The following ZNF804A variants were observed in gnomAD, a reference collection of about 807,000 sequenced individuals.
ZNF804A encodes the protein zinc finger protein 804A.
ZNF804A carries 2 observed loss-of-function variants against 16.5 expected under a neutral mutation model. That is an observed-to-expected ratio of 0.12 (90% CI 0.05 to 0.38). The LOEUF is 0.38. Among genes scored for constraint, ZNF804A ranks in the 10% least tolerant of loss-of-function variants. The probability of loss-of-function intolerance (pLI) is 0.99; values close to 1 mark genes in which losing one functional copy is unlikely to be tolerated. For missense variants in ZNF804A, 1,473 were observed against 1,390.7 expected, an observed-to-expected ratio of 1.06 and a Z score of -0.94; for synonymous variants, 534 against 489.6, an observed-to-expected ratio of 1.09 and a Z score of -1.20.
intron 1 of ZNF804A, among the ~76,000 whole-genome samples, chr2:184,706,891 T>C (rs1254396853): frequency 6.6e-6 from 1 of 152,226 alleles, no homozygotes; most frequent in African/African-American, 2.4e-5. Context: ...GAATTAAAAC[T>C]ACATGAATAT....
chr2:184,895,515 A>C (rs910104300), intron 2 of ZNF804A, among the ~76,000 whole-genome samples: 1 of 152,210 alleles, frequency 6.6e-6, no homozygotes, highest in Non-Finnish European at 1.5e-5. Context: ...TCATTAAAAC[A>C]GAAACAGAAA....
intron 1 of ZNF804A, among the ~76,000 whole-genome samples, chr2:184,671,501 G>T (rs2105712739): frequency 6.6e-6 from 1 of 152,212 alleles, no homozygotes; most frequent in African/African-American, 2.4e-5. Flanking sequence ...GTATTATATG[G>T]ACCTATCTTT....
At chr2:184,706,868 C>A (rs989853474) in intron 1 of ZNF804A, among the ~76,000 whole-genome samples, 3 of 152,128 alleles carry the variant, frequency 2.0e-5, no homozygotes, top group Non-Finnish European at 2.9e-5. Flanking sequence ...TTACTACTTT[C>A]TTCTACAAAA....
At chr2:184,653,848 T>G (rs1692030932) in intron 1 of ZNF804A, among the ~76,000 whole-genome samples, 1 of 152,224 alleles carries the variant, frequency 6.6e-6, no homozygotes, top group Non-Finnish European at 1.5e-5. Flanking sequence ...GAGATATTAT[T>G]GGAAGCTTCT....
chr2:184,892,220 A>T (rs553017376), intron 2 of ZNF804A, among the ~76,000 whole-genome samples: 1 of 152,264 alleles, frequency 6.6e-6, no homozygotes, highest in East Asian at 1.9e-4. Flanking sequence ...ATAGAAAGGA[A>T]TTTTCTCTCA....
At chr2:184,611,848 T>C (rs1691244411) in intron 1 of ZNF804A, among the ~76,000 whole-genome samples, 1 of 152,194 alleles carries the variant, frequency 6.6e-6, no homozygotes, top group South Asian at 2.1e-4. Flanking sequence ...GTACTTTATT[T>C]GCATACTTCA....
intron 1 of ZNF804A, among the ~76,000 whole-genome samples, chr2:184,668,379 A>G (rs1692283857): frequency 6.6e-6 from 1 of 151,930 alleles, no homozygotes; most frequent in Non-Finnish European, 1.5e-5. Context: ...CACATTTATA[A>G]TAAATTACAA....
chr2:184,936,412 GTGT>G lies in ZNF804A; in HGVS notation c.1021_1023del (p.Val341del), dbSNP rs767629351. ...TTAGCAGATCAAATACCACTAGAGAGTGTTGTTATTAATGAAGACATACCTGTT... is the reference window on the plus strand; with the variant it reads ...TTAGCAGATCAAATACCACTAGAGAGTGTTATTAATGAAGACATACCTGTT... On this transcript the variant is annotated inframe_deletion, in exon 4 of 4. Coordinates refer to ENST00000302277, the MANE Select transcript of ZNF804A (RefSeq NM_194250.2). 1.1e-5 allele frequency: 18 copies of G among 1,613,888 alleles called. No individual in the cohort carries two copies. In the African/African-American group the frequency reaches 2.4e-4, roughly 22 times the overall value.
intron 1 of ZNF804A, among the ~76,000 whole-genome samples, chr2:184,795,937 A>T (rs1694623745): frequency 6.6e-6 from 1 of 151,704 alleles, no homozygotes. Flanking sequence ...TTAAAAAATT[A>T]CCATGTCGAA....
At chr2:184,928,473 G>C (rs749721511) in intron 2 of ZNF804A, among the ~76,000 whole-genome samples, 6 of 152,094 alleles carry the variant, frequency 3.9e-5, no homozygotes, top group Non-Finnish European at 8.8e-5. Context: ...CTGGGGTTAG[G>C]GGAGGGGGAG....
intron 1 of ZNF804A, among the ~76,000 whole-genome samples, chr2:184,757,267 C>T (rs1262639904): frequency 6.6e-6 from 1 of 151,962 alleles, no homozygotes; most frequent in Non-Finnish European, 1.5e-5. Flanking sequence ...CAGGTTTGTT[C>T]CATGAATCAA....
Position 184,669,381 on chromosome 2 carries a change from T to C in ZNF804A, c.111+70311T>C, listed in dbSNP as rs191712766. ...TAGGTTCTGAAAGAACAGACACAGT[T>C]TCAAATCGTATCTTATAAGCCGTAG... is the stretch of plus-strand genomic sequence containing the variant. On this transcript the variant is annotated intron_variant, in intron 1 of 3. Transcript: ENST00000302277. 3.2e-3 allele frequency among the ~76,000 whole-genome samples: 487 copies of C among 152,192 alleles called. 5 individuals carry two copies. The highest frequency in any genetic ancestry group is 0.011 in the African/African-American group (465 of 41,550).
At chr2:184,744,276 GT>G (rs1277655267) in intron 1 of ZNF804A, among the ~76,000 whole-genome samples, 1 of 151,758 alleles carries the variant, frequency 6.6e-6, no homozygotes, top group Admixed American at 6.6e-5. Flanking sequence ...CAATTATTTT[GT>G]ATTATATACA....
intron 1 of ZNF804A, among the ~76,000 whole-genome samples, chr2:184,755,617 T>C (rs1020688603): frequency 6.6e-6 from 1 of 151,968 alleles, no homozygotes; most frequent in African/African-American, 2.4e-5. Flanking sequence ...AGATGCAGTG[T>C]TGAGGTATAT....
chr2:184,881,775 AC>A (rs1684813291), intron 2 of ZNF804A, among the ~76,000 whole-genome samples: 1 of 152,104 alleles, frequency 6.6e-6, no homozygotes, highest in Non-Finnish European at 1.5e-5. Flanking sequence ...GAACTGCCTT[AC>A]AGGAGGTCCT....
In ZNF804A at chr2:184,794,230, T is replaced by C. The variant is rs115618576; in HGVS notation, c.112-72139T>C. Among the ~76,000 whole-genome samples the C allele has an allele frequency of 1.6e-3, 239 of 152,190 alleles. 1 individual carries two copies. Among genetic ancestry groups the C allele is most frequent in the African/African-American group, 5.5e-3 (229 of 41,538 alleles). Reference sequence around the variant, plus strand: ...CCTTTTCACTGCATCCACGTCAACATCTAAATTTTTAATTTTTTTTTATTA... The same window carrying C: ...CCTTTTCACTGCATCCACGTCAACACCTAAATTTTTAATTTTTTTTTATTA... On this transcript the variant is annotated intron_variant, in intron 1 of 3. Transcript: ENST00000302277.
intron 2 of ZNF804A, among the ~76,000 whole-genome samples, chr2:184,880,626 A>C (rs112869258): frequency 0.019 from 2,902 of 152,108 alleles, 45 homozygotes; most frequent in Admixed American, 0.051. Context: ...CATGTTTCTT[A>C]GTCTGTTGTG....
intron 2 of ZNF804A, among the ~76,000 whole-genome samples, chr2:184,899,576 G>T (rs1011135483): frequency 1.3e-5 from 2 of 151,866 alleles, no homozygotes; most frequent in Admixed American, 1.3e-4. Flanking sequence ...AAGAAGCTAT[G>T]TTCTACAATA....
intron 1 of ZNF804A, among the ~76,000 whole-genome samples, chr2:184,860,661 G>A (rs1243484475): frequency 1.3e-5 from 2 of 152,222 alleles, no homozygotes; most frequent in Admixed American, 6.5e-5. Context: ...TTAGTGCCAG[G>A]GTGGACTTGG....
Sources: gnomAD v4.1 joint callset for allele counts (sites outside exome capture counted in the v4.1 genomes callset) on GRCh38, gnomAD v4.1.1 for gene constraint, MANE v1.5 for transcripts, NCBI Gene and HGNC (gene_info 2026-07-23, HGNC 2026-07-21) for gene names.